GAS7: variants seen among roughly 807,000 people sequenced by gnomAD.
The protein encoded by GAS7 is growth arrest specific 7, also known as growth arrest-specific protein 7.
In GAS7, 28 loss-of-function variants were observed where a neutral mutation model predicts 71.1. The observed-to-expected ratio is 0.39, with a 90% confidence interval of 0.29 to 0.54. GAS7 has a LOEUF of 0.54. Among genes scored for constraint, GAS7 ranks in the 20% least tolerant of loss-of-function variants. The pLI is 0.62. For synonymous variants in GAS7, 258 were observed against 245.8 expected (o/e 1.05, Z -0.46); for missense variants, 436 against 627.8 (o/e 0.69, Z 3.27).
At chr17:10,145,892 C>T (rs935073046) in intron 1 of GAS7, among the ~76,000 whole-genome samples, 1 of 152,186 alleles carries the variant, frequency 6.6e-6, no homozygotes, top group Non-Finnish European at 1.5e-5. Context: ...GGAGCAAGAA[C>T]AACCATCTCA....
At chr17:10,108,693 A>C (rs2142063245) in intron 1 of GAS7, among the ~76,000 whole-genome samples, 1 of 152,336 alleles carries the variant, frequency 6.6e-6, no homozygotes, top group South Asian at 2.1e-4. Flanking sequence ...TTTACAGCCA[A>C]CTGAGTTTCA....
At chr17:10,136,847 C>T (rs1408465303) in intron 1 of GAS7, among the ~76,000 whole-genome samples, 6 of 152,150 alleles carry the variant, frequency 3.9e-5, no homozygotes, top group South Asian at 2.1e-4. Flanking sequence ...GGCCAGGCAT[C>T]GTGGCTCACG....
At chr17:10,009,653 TATA>T (rs2071682088) in intron 2 of GAS7, among the ~76,000 whole-genome samples, 1 of 125,974 alleles carries the variant, frequency 7.9e-6, no homozygotes. Context: ...GCCTGGGCAA[TATA>T]GCAAGACCCC....
chr17:10,008,769 T>C (rs559273320), intron 2 of GAS7, among the ~76,000 whole-genome samples: 11 of 149,000 alleles, frequency 7.4e-5, no homozygotes, highest in African/African-American at 2.7e-4. Flanking sequence ...AGGCTGGCGC[T>C]CTCTCTCTCT....
intron 2 of GAS7, among the ~76,000 whole-genome samples, chr17:10,004,205 C>T (rs1019622042): frequency 2.0e-5 from 3 of 152,166 alleles, no homozygotes; most frequent in African/African-American, 2.4e-5. Context: ...AGAAGCCATT[C>T]GCATTGTGTT....
At chr17:10,099,006 C>A (rs1432268684) in intron 1 of GAS7, among the ~76,000 whole-genome samples, 1 of 152,120 alleles carries the variant, frequency 6.6e-6, no homozygotes, top group East Asian at 1.9e-4. Context: ...AGATGAAGGG[C>A]AGAGTTGTGG....
intron 1 of GAS7, among the ~76,000 whole-genome samples, chr17:10,023,640 G>A (rs867106670): frequency 6.6e-6 from 1 of 152,252 alleles, no homozygotes; most frequent in Non-Finnish European, 1.5e-5. Flanking sequence ...AGAATGGGCA[G>A]AGCCATAGAG....
intron 1 of GAS7, among the ~76,000 whole-genome samples, chr17:10,072,789 C>T (rs1270989900): frequency 2.6e-5 from 4 of 152,028 alleles, no homozygotes; most frequent in Admixed American, 6.5e-5. Flanking sequence ...GAAGTGCTGG[C>T]GCCCATAGTC....
rs138585004 is a variant in GAS7, at chr17:10,121,782, C to T, written c.183+76426G>A. 3.2e-3 allele frequency among the ~76,000 whole-genome samples: 488 copies of T among 152,194 alleles called. 2 individuals are homozygous for T. The highest frequency in any genetic ancestry group is 6.8e-3 in the Middle Eastern group (2 of 294). On this transcript the variant is annotated intron_variant, in intron 1 of 13. Transcript: ENST00000432992. Reference sequence around the variant, plus strand: ...CCACCAAGCATGCTTCCCTGTACCCCGTCAACCTCTCCCTTGGGCTTCCCC... The same window carrying T: ...CCACCAAGCATGCTTCCCTGTACCCTGTCAACCTCTCCCTTGGGCTTCCCC...
At chr17:9,961,285 T>C (rs1247315171) in intron 4 of GAS7, among the ~76,000 whole-genome samples, 1 of 152,130 alleles carries the variant, frequency 6.6e-6, no homozygotes, top group South Asian at 2.1e-4. Context: ...TTGACAAAAC[T>C]GCACAGGGAG....
intron 1 of GAS7, among the ~76,000 whole-genome samples, chr17:10,044,011 C>A (rs1010883655): frequency 6.6e-6 from 1 of 152,216 alleles, no homozygotes; most frequent in Admixed American, 6.5e-5. Context: ...CATAAGTTTA[C>A]ATCATCTGTT....
chr17:10,092,990 ATATAAGGTAAGTT>A, intron 1 of GAS7, among the ~76,000 whole-genome samples: 1 of 152,340 alleles, frequency 6.6e-6, no homozygotes, highest in African/African-American at 2.4e-5. Flanking sequence ...CCGTCTTGCC[ATATAAGGTAAGTT>A]CACAGACTCT....
At chr17:9,935,699 T>A (rs1236777240) in intron 8 of GAS7, among the ~76,000 whole-genome samples, 2 of 152,154 alleles carry the variant, frequency 1.3e-5, no homozygotes, top group Non-Finnish European at 2.9e-5. Context: ...TGGGTGTTTA[T>A]GGGAAATGAC....
rs1336228173 is a variant in GAS7 at position 9,933,836 on chromosome 17, C to T, written c.885+330G>A. 2.6e-5 allele frequency among the ~76,000 whole-genome samples: 4 copies of T among 152,268 alleles called. No individual in the cohort carries two copies. The East Asian group carries it at 5.8e-4, about 22-fold the overall frequency. On this transcript the variant is annotated intron_variant, in intron 9 of 13. Coordinates refer to ENST00000432992, the MANE Select transcript of GAS7 (RefSeq NM_201433.2). ...CTCCAGCCTGGGCAACACAGTGAGA[C>T]CTTGTCTTTTTAAAAATAACAAAAC...
chr17:10,095,395 G>A (rs1198164216), intron 1 of GAS7, among the ~76,000 whole-genome samples: 1 of 152,084 alleles, frequency 6.6e-6, no homozygotes, highest in Non-Finnish European at 1.5e-5. Flanking sequence ...CTGGGCCCTC[G>A]AACTCCTGGG....
At chr17:10,161,245 G>C (rs2074254337) in intron 1 of GAS7, among the ~76,000 whole-genome samples, 1 of 152,142 alleles carries the variant, frequency 6.6e-6, no homozygotes, top group Non-Finnish European at 1.5e-5. Flanking sequence ...AAACTATACA[G>C]CAAAAGGTCC....
intron 2 of GAS7, among the ~76,000 whole-genome samples, chr17:10,012,366 C>T (rs1291229545): frequency 6.6e-6 from 1 of 152,176 alleles, no homozygotes; most frequent in East Asian, 1.9e-4. Context: ...CGGTTCATTG[C>T]AACCTCTGCC....
At chr17:10,023,110 G>A (rs937687921) in intron 1 of GAS7, among the ~76,000 whole-genome samples, 1 of 152,250 alleles carries the variant, frequency 6.6e-6, no homozygotes, top group African/African-American at 2.4e-5. Flanking sequence ...ACTGAGCCGT[G>A]AAGGGCCATG....
intron 1 of GAS7, chr17:10,036,794 A>G: frequency 8.9e-7 from 1 of 1,120,142 alleles, no homozygotes. Context: ...CCCCTTTCTC[A>G]GCTAAAAAAC....
Sources: allele counts gnomAD v4.1 joint callset (sites outside exome capture counted in the v4.1 genomes callset), GRCh38; gene constraint gnomAD v4.1.1; transcripts MANE v1.5; gene names NCBI Gene and HGNC (gene_info 2026-07-23, HGNC 2026-07-21).